The following INTS6 variants were observed in gnomAD, a reference collection of about 807,000 sequenced individuals.
INTS6 encodes the protein integrator complex subunit 6, also known as DEAD box protein.
INTS6 carries 16 observed loss-of-function variants against 104.9 expected under a neutral mutation model. That is an observed-to-expected ratio of 0.15 (90% CI 0.10 to 0.23). INTS6 has a LOEUF of 0.23. Ranked by LOEUF, INTS6 falls within the 10% of genes least tolerant of loss-of-function variation. The pLI, the probability that INTS6 is intolerant of heterozygous loss-of-function variation, is 1.00. For synonymous variants in INTS6, 324 were observed against 358.7 expected (o/e 0.90, Z 1.09); for missense variants, 584 against 1,062.8 (o/e 0.55, Z 6.26).
At chr13:51,336,973 G>A in the INTS6 span, among the ~76,000 whole-genome samples, 1 of 152,228 alleles carries the variant, frequency 6.6e-6, no homozygotes, top group Admixed American at 6.6e-5. Context: ...CTTTGCCGTT[G>A]CCTTCCTGGA....
In INTS6 at chr13:51,368,944, C is replaced by G; in HGVS notation, c.2471G>C (p.Gly824Ala). ...TCGTCTCTTATTATACATACTTCTT[C>G]CTGGCTTTCGGATCTCTTTCATTAT... Reference protein sequence around the residue: ...AQIMKEIRKPGRKYERIFTLL... With the variant: ...AQIMKEIRKPARKYERIFTLL... Residue 824 changes from glycine to alanine, a missense_variant, in exon 16 of 18, where the codon GGA (glycine) becomes GCA (alanine). Physicochemically the swap from Gly to Ala is moderately conservative, Grantham distance 60 (BLOSUM62 0). This residue lies in a region of INTS6 where 296 missense variants were observed against 437.0 expected (regional missense o/e 0.68). Transcript: ENST00000311234. The G allele has an allele frequency of 6.3e-7, 1 of 1,581,174 alleles. No homozygotes were observed. The highest frequency in any genetic ancestry group is 8.6e-7 in the Non-Finnish European group (1 of 1,163,634).
downstream of INTS6, among the ~76,000 whole-genome samples, chr13:51,360,048 C>T (rs1773276404): frequency 6.6e-6 from 1 of 152,082 alleles, no homozygotes; most frequent in African/African-American, 2.4e-5. Flanking sequence ...AGCCAACTCC[C>T]AACATCCTGT....
intron 13 of INTS6, among the ~76,000 whole-genome samples, 174 bp from the exon 14 acceptor site, chr13:51,374,970 T>G (rs1355247084): frequency 1.3e-5 from 2 of 152,142 alleles, no homozygotes; most frequent in Admixed American, 1.3e-4. Flanking sequence ...AAAATAAAAT[T>G]TAAAATACTG....
chr13:51,452,883 C>T lies in INTS6; in HGVS notation c.-358G>A. ...GCGGGAGACGGGCCTGGCTCCCCAC[C>T]CCACCCCCGGTACAGGAGTGGGGAC... On this transcript the variant is annotated 5_prime_UTR_variant, in exon 1 of 18. Coordinates refer to ENST00000311234, the MANE Select transcript of INTS6 (RefSeq NM_012141.3). The surrounding 1 kb of genome is among the most constrained non-coding windows in gnomAD (Gnocchi z 4.2). 8.9e-7 allele frequency: 1 copy of T among 1,129,530 alleles called. No homozygotes were observed. Among genetic ancestry groups the T allele is most frequent in the Non-Finnish European group, 1.1e-6 (1 of 916,876 alleles). The allele number at this position is 1,129,530 out of a possible 1,614,324, so 70.0% of individuals were successfully genotyped here. A position where few individuals can be genotyped will look rare whatever the true frequency, so the allele number is the denominator to read the frequency against.
At chr13:51,440,565 GCTACATT>G (rs1376621004) in intron 3 of INTS6, 1 of 152,130 alleles carries the variant, frequency 6.6e-6, no homozygotes, top group Non-Finnish European at 1.5e-5. Context: ...CAGTCCTCAA[GCTACATT>G]CATGGTAAGT....
intron 3 of INTS6, among the ~76,000 whole-genome samples, chr13:51,431,284 TGC>T (rs1341153966): frequency 6.6e-6 from 1 of 152,232 alleles, no homozygotes; most frequent in Non-Finnish European, 1.5e-5. Flanking sequence ...TCAAATTCTC[TGC>T]CACTAATGGT....
chr13:51,366,778 C>CAA (rs144896044), intron 17 of INTS6, among the ~76,000 whole-genome samples: 1,721 of 152,040 alleles, frequency 0.011, 26 homozygotes, highest in East Asian at 0.07. Context: ...AAACCAGAAA[C>CAA]AAAACCAACT....
At chr13:51,391,549 T>TA (rs1192446503) in intron 5 of INTS6, among the ~76,000 whole-genome samples, 23 of 152,334 alleles carry the variant, frequency 1.5e-4, no homozygotes, top group African/African-American at 5.1e-4. Flanking sequence ...TGTCAAAACT[T>TA]ACTCCTTGGG....
chr13:51,399,823 CTT>C (rs992149098), intron 4 of INTS6, among the ~76,000 whole-genome samples: 7 of 152,038 alleles, frequency 4.6e-5, no homozygotes, highest in Admixed American at 3.3e-4. Flanking sequence ...TCAACGTGCT[CTT>C]TTGTGAAGTG....
intron 5 of INTS6, among the ~76,000 whole-genome samples, chr13:51,393,164 A>C (rs1593699419): frequency 6.9e-6 from 1 of 145,900 alleles, no homozygotes; most frequent in Non-Finnish European, 1.5e-5. Context: ...TGCAACTTCC[A>C]CCTCCTGCGC....
At chr13:51,440,932 G>A (rs1342799244) in intron 3 of INTS6, 1 of 152,132 alleles carries the variant, frequency 6.6e-6, no homozygotes, top group Non-Finnish European at 1.5e-5. Flanking sequence ...TTTTGTCAAA[G>A]GTTTCAGACT....
chr13:51,390,795 C>G (rs1199606661), intron 5 of INTS6, among the ~76,000 whole-genome samples: 1 of 152,004 alleles, frequency 6.6e-6, no homozygotes, highest in African/African-American at 2.4e-5. Context: ...ATGATTATAA[C>G]CTTAACAAAT....
Position 51,421,465 on chromosome 13 carries a change from T to C in INTS6, c.429+8829A>G, listed in dbSNP as rs1047400650. On this transcript the variant is annotated intron_variant, in intron 4 of 17. Coordinates refer to ENST00000311234, the MANE Select transcript of INTS6 (RefSeq NM_012141.3). ...CCTTGTCTAGATCAAAATGCAGCCT[T>C]GCCTTGATGTAAAGCCCATAGTTTC... is the stretch of plus-strand genomic sequence containing the variant. The C allele has an allele frequency of 5.9e-5, 11 of 187,118 alleles. No homozygotes were observed. The South Asian group carries it at 7.3e-4, about 12-fold the overall frequency. 11.6% of individuals were successfully genotyped at this position (187,118 alleles called of 1,614,324 possible).
chr13:51,344,323 G>A, the INTS6 span: 94 of 1,613,844 alleles, frequency 5.8e-5, no homozygotes, highest in Non-Finnish European at 6.9e-5. Flanking sequence ...CACCGAGATG[G>A]AGCTGGCCTG....
At chr13:51,444,570 GA>G (rs1194438869) in intron 3 of INTS6, 1 of 151,682 alleles carries the variant, frequency 6.6e-6, no homozygotes, top group Admixed American at 6.6e-5. Flanking sequence ...CCAACATGGC[GA>G]AACCCCGTCT....
chr13:51,433,473 C>CA (rs1465528776), intron 3 of INTS6, among the ~76,000 whole-genome samples: 1 of 152,086 alleles, frequency 6.6e-6, no homozygotes, highest in Non-Finnish European at 1.5e-5. Flanking sequence ...ATTTTCTGAC[C>CA]AAAAGTCTGA....
chr13:51,358,828 T>C (rs530472364), downstream of INTS6, among the ~76,000 whole-genome samples: 285 of 152,096 alleles, frequency 1.9e-3, 1 homozygote, highest in South Asian at 5.0e-3. Context: ...ATATAGAATG[T>C]TGTATTGTAG....
chr13:51,430,473 C>CAG, intron 3 of INTS6, 90 bp from the exon 4 acceptor site: 1 of 871,252 alleles, frequency 1.1e-6, no homozygotes, highest in Admixed American at 2.3e-5. Context: ...TATATACGAT[C>CAG]TCCCTTTCTA....
At position 51,378,410 on chromosome 13, in the gene INTS6, T is replaced by C. The variant is rs750979196; in HGVS notation, c.1431A>G (p.Lys477=). The C allele has an allele frequency of 6.2e-7, 1 of 1,613,290 alleles. No homozygotes were observed. The highest frequency in any genetic ancestry group is 1.1e-5 in the South Asian group (1 of 91,060). Residue 477 remains lysine, a synonymous_variant, in exon 12 of 18, where the codon AAA becomes AAG. Coordinates refer to ENST00000311234, the MANE Select transcript of INTS6 (RefSeq NM_012141.3). Reference sequence around the variant, plus strand: ...CTTTTATTCCAGTCTCCTGTACTACTTTTTTGCCTACAGATCCAATGACTC... The same window carrying C: ...CTTTTATTCCAGTCTCCTGTACTACCTTTTTGCCTACAGATCCAATGACTC... ...SDRVIGSVGK[K]VVQETGIKVR...
Sources: gnomAD v4.1 joint callset for allele counts (sites outside exome capture counted in the v4.1 genomes callset) on GRCh38, gnomAD v4.1.1 for gene constraint, gnomAD v4.1.1 regional missense constraint, Gnocchi (gnomAD v3.1) non-coding constraint, MANE v1.5 for transcripts, NCBI Gene and HGNC (gene_info 2026-07-23, HGNC 2026-07-21) for gene names.